Variants in MARCHF4 observed in about 807,000 individuals in gnomAD.
The protein encoded by MARCHF4 is E3 ubiquitin-protein ligase MARCHF4.
MARCHF4 carries 14 observed loss-of-function variants against 43.9 expected under a neutral mutation model. That is an observed-to-expected ratio of 0.32 (90% CI 0.21 to 0.50). MARCHF4 has a LOEUF of 0.50. Ranked by LOEUF, MARCHF4 falls within the 20% of genes least tolerant of loss-of-function variation. The probability of loss-of-function intolerance (pLI) is 0.98; values close to 1 mark genes in which losing one functional copy is unlikely to be tolerated. For synonymous variants in MARCHF4, 226 were observed against 213.3 expected (o/e 1.06, Z -0.52); for missense variants, 468 against 536.7 (o/e 0.87, Z 1.27).
At chr2:216,304,544 T>A (rs1270383248) in intron 1 of MARCHF4, among the ~76,000 whole-genome samples, 1 of 152,218 alleles carries the variant, frequency 6.6e-6, no homozygotes, top group Non-Finnish European at 1.5e-5. Context: ...TCTCTTCTTG[T>A]CCTAATTCTC....
chr2:216,265,243 G>A (rs1053789636), intron 3 of MARCHF4, among the ~76,000 whole-genome samples: 7 of 152,182 alleles, frequency 4.6e-5, no homozygotes, highest in African/African-American at 1.7e-4. Flanking sequence ...GTCCTTTCTG[G>A]TTTTTAAATA....
chr2:216,290,785 A>T (rs1489066687), intron 1 of MARCHF4, among the ~76,000 whole-genome samples: 1 of 152,216 alleles, frequency 6.6e-6, no homozygotes, highest in African/African-American at 2.4e-5. Flanking sequence ...GAGAAGTAGA[A>T]AAGTCAAGAA....
At chr2:216,311,755 C>T (rs567551738) in intron 1 of MARCHF4, among the ~76,000 whole-genome samples, 4 of 152,274 alleles carry the variant, frequency 2.6e-5, no homozygotes, top group Admixed American at 1.3e-4. Flanking sequence ...AAGGTTCTTG[C>T]ATCTTCTTAG....
chr2:216,331,912 A>G (rs1035538246), intron 1 of MARCHF4, among the ~76,000 whole-genome samples: 7 of 152,206 alleles, frequency 4.6e-5, no homozygotes, highest in Non-Finnish European at 8.8e-5. Flanking sequence ...AGAAATGAAA[A>G]GATGCTCAGC....
intron 1 of MARCHF4, among the ~76,000 whole-genome samples, chr2:216,329,351 A>G (rs1692048887): frequency 6.6e-6 from 1 of 152,198 alleles, no homozygotes; most frequent in Non-Finnish European, 1.5e-5. Flanking sequence ...ACTGGACTCC[A>G]GCCTGGGTGA....
intron 1 of MARCHF4, among the ~76,000 whole-genome samples, chr2:216,290,208 A>G (rs1290400991): frequency 6.6e-6 from 1 of 152,182 alleles, no homozygotes; most frequent in African/African-American, 2.4e-5. Flanking sequence ...TTGAAATCCT[A>G]CATAGGGTGA....
intron 1 of MARCHF4, among the ~76,000 whole-genome samples, chr2:216,357,318 TACACAC>T (rs58783411): frequency 2.0e-5 from 3 of 151,458 alleles, no homozygotes; most frequent in Admixed American, 1.3e-4. Flanking sequence ...TACACTTTTA[TACACAC>T]ACACACACAC....
intron 1 of MARCHF4, among the ~76,000 whole-genome samples, chr2:216,337,114 T>C (rs1692170529): frequency 6.7e-6 from 1 of 149,346 alleles, no homozygotes; most frequent in Non-Finnish European, 1.5e-5. Flanking sequence ...ATCATGCCAC[T>C]GCACTCCAGC....
intron 1 of MARCHF4, among the ~76,000 whole-genome samples, chr2:216,295,614 A>G (rs779798113): frequency 2.4e-4 from 36 of 152,230 alleles, no homozygotes; most frequent in Non-Finnish European, 1.9e-4. Context: ...CATGCTAACA[A>G]AAAGAGGTAG....
chr2:216,344,080 G>A (rs1008181094), intron 1 of MARCHF4, among the ~76,000 whole-genome samples: 1 of 152,082 alleles, frequency 6.6e-6, no homozygotes, highest in Non-Finnish European at 1.5e-5. Context: ...ATTTGGGAGA[G>A]AGCTCAGTTT....
chr2:216,272,762 T>C (rs1392129056), intron 3 of MARCHF4, among the ~76,000 whole-genome samples: 1 of 152,264 alleles, frequency 6.6e-6, no homozygotes, highest in African/African-American at 2.4e-5. Flanking sequence ...CACAGTGGCA[T>C]GCATTAGTCT....
intron 3 of MARCHF4, among the ~76,000 whole-genome samples, chr2:216,267,875 T>C (rs1229544573): frequency 1.3e-5 from 2 of 151,956 alleles, no homozygotes; most frequent in Admixed American, 1.3e-4. Flanking sequence ...TCTCGAGGGG[T>C]CTCTTTGGAA....
chr2:216,360,663 T>C (rs543766954), intron 1 of MARCHF4, among the ~76,000 whole-genome samples: 2 of 152,160 alleles, frequency 1.3e-5, no homozygotes, highest in Non-Finnish European at 2.9e-5. Flanking sequence ...CCATTCTGTA[T>C]GATACCATAA....
intron 3 of MARCHF4, among the ~76,000 whole-genome samples, chr2:216,268,436 C>G (rs765392559): frequency 6.6e-6 from 1 of 152,152 alleles, no homozygotes; most frequent in South Asian, 2.1e-4. Flanking sequence ...ATCATGGAGG[C>G]GGTTTCCCCC....
At chr2:216,265,965 C>T (rs1037394303) in intron 3 of MARCHF4, 44 of 152,272 alleles carry the variant, frequency 2.9e-4, no homozygotes, top group African/African-American at 1.1e-3. Flanking sequence ...GACTGCTAGG[C>T]TAGGACATGG....
Position 216,283,654 on chromosome 2 carries a change from T to A in MARCHF4, c.592A>T (p.Ser198Cys). Residue 198 changes from serine (S) to cysteine (C), a missense_variant, in exon 2 of 4, where the codon AGC becomes TGC. Ser to Cys is a moderately radical substitution (Grantham distance 112). This residue lies in a region of MARCHF4 where 158 missense variants were observed against 251.1 expected (regional missense o/e 0.63). Transcript: ENST00000273067. Reference sequence around the variant, plus strand: ...TCGCAGCTCCAGCAGCCCCGCTCGCTGATCCACTTGATGAGGCAAGGCTGG... The same window carrying A: ...TCGCAGCTCCAGCAGCCCCGCTCGCAGATCCACTTGATGAGGCAAGGCTGG... Reference protein sequence around the residue: ...THQPCLIKWISERGCWSCELC... With the variant: ...THQPCLIKWICERGCWSCELC... The A allele has an allele frequency of 6.2e-7, 1 of 1,613,876 alleles. No homozygotes were observed. The highest frequency in any genetic ancestry group is 8.5e-7 in the Non-Finnish European group (1 of 1,179,738).
intron 3 of MARCHF4, among the ~76,000 whole-genome samples, chr2:216,267,242 G>A (rs372325517): frequency 1.3e-5 from 2 of 152,152 alleles, no homozygotes; most frequent in African/African-American, 4.8e-5. Context: ...GACTAGTACT[G>A]AATGTGACCA....
At chr2:216,287,508 A>T (rs1218529310) in intron 1 of MARCHF4, among the ~76,000 whole-genome samples, 1 of 151,614 alleles carries the variant, frequency 6.6e-6, no homozygotes, top group Non-Finnish European at 1.5e-5. Context: ...GAAAAATGGG[A>T]TCTTCTCTAA....
intron 1 of MARCHF4, among the ~76,000 whole-genome samples, chr2:216,349,730 G>A (rs907633679): frequency 1.6e-4 from 25 of 152,292 alleles, no homozygotes; most frequent in Non-Finnish European, 3.2e-4. Context: ...CAGGCAGTGG[G>A]GATTAGCCAG....
Sources: allele counts gnomAD v4.1 joint callset (sites outside exome capture counted in the v4.1 genomes callset), GRCh38; gene constraint gnomAD v4.1.1; regional missense constraint gnomAD v4.1.1; transcripts MANE v1.5; gene names NCBI Gene and HGNC (gene_info 2026-07-23, HGNC 2026-07-21).